The following NBPF20 variants were observed in gnomAD, a reference collection of about 807,000 sequenced individuals.
The protein encoded by NBPF20 is NBPF member 20.
Under a neutral mutation model 68.1 loss-of-function variants are expected in NBPF20, and 90 were observed. The observed-to-expected ratio is 1.32, with a 90% confidence interval of 1.11 to 1.58. The LOEUF (loss-of-function observed/expected upper bound fraction) is 1.58, where lower values mean the gene tolerates loss of function less well. Among genes scored for constraint, NBPF20 ranks in the 40% most tolerant of loss-of-function variants. The pLI is 0.00. For synonymous variants in NBPF20, 290 were observed against 228.1 expected (o/e 1.27, Z -2.45); for missense variants, 816 against 601.2 (o/e 1.36, Z -3.74).
chr1:145,423,911 C>T, the NBPF20 span, among the ~76,000 whole-genome samples: 1 of 151,506 alleles, frequency 6.6e-6, no homozygotes. Flanking sequence ...AAATATACCC[C>T]AGTCTAGTAA....
At chr1:145,400,923 A>G in intron 5 of NBPF20, 136 bp downstream of exon 10, 3 of 1,112,556 alleles carry the variant, frequency 2.7e-6, no homozygotes, top group Non-Finnish European at 4.1e-6. Context: ...CCTGTGTCTA[A>G]GCTGGGTTAT....
intron 83 of NBPF20, among the ~76,000 whole-genome samples, chr1:145,334,909 C>G (rs1448204789): frequency 1.7e-5 from 2 of 117,214 alleles, no homozygotes; most frequent in East Asian, 2.5e-4. Flanking sequence ...ATGAAGGGGT[C>G]AAAGGACACT....
chr1:145,421,895 G>T, the NBPF20 span, among the ~76,000 whole-genome samples: 1 of 151,902 alleles, frequency 6.6e-6, no homozygotes, highest in South Asian at 2.1e-4. Flanking sequence ...AAAATTAGCC[G>T]GGCATAGTGG....
chr1:145,394,089 G>T (rs1339363617), intron 8 of NBPF20, among the ~76,000 whole-genome samples, 154 bp from the exon 14 acceptor site: 1 of 152,036 alleles, frequency 6.6e-6, no homozygotes, highest in East Asian at 1.9e-4. Flanking sequence ...CTGAGGTCAA[G>T]TCTTGAGAAA....
At chr1:145,291,132 T>C in exon 138 of NBPF20, 1 of 331,238 alleles carries the variant, frequency 3.0e-6, no homozygotes, top group South Asian at 3.2e-5. Context: ...TGAGGTTAGG[T>C]TCATTGAAAC....
chr1:145,292,533 C>T (rs1448894381), intron 136 of NBPF20, 44 bp from the exon 142 acceptor site: 4 of 682,250 alleles, frequency 5.9e-6, no homozygotes, highest in African/African-American at 2.0e-5. Flanking sequence ...AGCTGATTCC[C>T]CTACACACAT....
upstream of NBPF20, among the ~76,000 whole-genome samples, chr1:145,408,446 T>C (rs1170665089): frequency 6.6e-6 from 1 of 152,080 alleles, no homozygotes; most frequent in Non-Finnish European, 1.5e-5. Flanking sequence ...TGTGGGCATA[T>C]TGTTTGAATC....
chr1:145,292,458 T>C (rs781810988), exon 137 of NBPF20: 68 of 718,938 alleles, frequency 9.5e-5, no homozygotes, highest in Non-Finnish European at 1.2e-4. Context: ...TTCTTCCCCT[T>C]CTTTTCTTCC....
rs587703003 is a variant in NBPF20 at position 145,405,279 on chromosome 1, G to A, written c.-7C>T. 162 of 1,605,926 alleles carry A rather than the reference G, an allele frequency of 1.0e-4. No homozygotes were observed. Among genetic ancestry groups the A allele is most frequent in the Middle Eastern group, 2.3e-4 (1 of 4,442 alleles). ...GGCCGGCTGATACCACCATGCTGACGTTTGTGGCAGAAGAGGTGGAGTCAG... is the reference window on the plus strand; with the variant it reads ...GGCCGGCTGATACCACCATGCTGACATTTGTGGCAGAAGAGGTGGAGTCAG... On this transcript the variant is annotated 5_prime_UTR_variant, in exon 2 of 138. In the 5' UTR this introduces an upstream ATG that the reference lacks. Transcript: ENST00000369373.
intron 61 of NBPF20, among the ~76,000 whole-genome samples, chr1:145,352,382 C>T (rs1203463712): frequency 5.2e-5 from 3 of 57,198 alleles, no homozygotes; most frequent in African/African-American, 2.1e-4. Context: ...CCAGGTGACA[C>T]ACTGATGAGG....
chr1:145,403,922 G>C (rs1553666188), intron 2 of NBPF20, among the ~76,000 whole-genome samples: 1 of 151,230 alleles, frequency 6.6e-6, no homozygotes, highest in Admixed American at 6.6e-5. Flanking sequence ...GCAGAATGAA[G>C]AACTAATAAA....
chr1:145,410,751 CATATATATATATACGTATATATATATAT>C, the NBPF20 span, among the ~76,000 whole-genome samples: 1 of 109,968 alleles, frequency 9.1e-6, no homozygotes, highest in Non-Finnish European at 1.9e-5. Flanking sequence ...TATATATATA[CATATATATATATACGTATATATATATAT>C]ACACACACAT....
exon 138 of NBPF20, chr1:145,291,640 G>A: frequency 6.2e-7 from 1 of 1,611,938 alleles, no homozygotes; most frequent in Non-Finnish European, 8.5e-7. Context: ...CCTCAAATGA[G>A]TAAAACACAC....
At chr1:145,397,361 T>C (rs1176345843) in intron 7 of NBPF20, among the ~76,000 whole-genome samples, 42 of 152,340 alleles carry the variant, frequency 2.8e-4, no homozygotes, top group African/African-American at 9.4e-4. Context: ...TCCACAATCG[T>C]TGAACTAGTT....
chr1:145,415,458 T>A, the NBPF20 span, among the ~76,000 whole-genome samples: 6 of 151,666 alleles, frequency 4.0e-5, no homozygotes, highest in Non-Finnish European at 8.8e-5. Context: ...GTCAGGTCTT[T>A]CCCTTCCCAC....
the NBPF20 span, among the ~76,000 whole-genome samples, chr1:145,411,134 A>T: frequency 6.9e-6 from 1 of 145,502 alleles, no homozygotes; most frequent in Admixed American, 6.9e-5. Flanking sequence ...ATTCTTGATC[A>T]TTGACATTAC....
rs587696356 is a variant in NBPF20 at position 145,291,984 on chromosome 1, CAGAG to C, written c.16698-219_16698-216del. Among the ~76,000 whole-genome samples, 720 of 149,816 alleles carry C rather than the reference CAGAG, an allele frequency of 4.8e-3. 20 individuals carry two copies. The highest frequency in any genetic ancestry group is 0.017 in the African/African-American group (682 of 39,550). ...AAAGACAGAGAGAGAGAGACAGAGA[CAGAG>C]AGAGAGAGAAAGTGACCTAGTGAAT... On this transcript the variant is annotated intron_variant, in intron 137 of 137. Coordinates refer to ENST00000369373, the Ensembl canonical transcript of NBPF20.
chr1:145,404,904 C>T (rs1304821131), intron 2 of NBPF20, among the ~76,000 whole-genome samples, 194 bp downstream of exon 7: 2 of 151,460 alleles, frequency 1.3e-5, no homozygotes, highest in African/African-American at 4.9e-5. Flanking sequence ...CCACCCCCAT[C>T]TGATTGCAAA....
the NBPF20 span, among the ~76,000 whole-genome samples, chr1:145,421,421 G>A: frequency 1.3e-5 from 2 of 152,206 alleles, no homozygotes; most frequent in African/African-American, 2.4e-5. Context: ...CAGGTTGACT[G>A]TGACTCTGCT....
Sources: allele counts gnomAD v4.1 joint callset (sites outside exome capture counted in the v4.1 genomes callset), GRCh38; gene constraint gnomAD v4.1.1; transcripts MANE v1.5; gene names NCBI Gene and HGNC (gene_info 2026-07-23, HGNC 2026-07-21).